The following CCSER1 variants were observed in gnomAD, a reference collection of about 807,000 sequenced individuals.
CCSER1 encodes serine-rich coiled-coil domain-containing protein 1.
A neutral mutation model predicts 82.0 loss-of-function variants in CCSER1; 41 were observed. The ratio of observed to expected loss-of-function variants is 0.50; its 90% CI spans 0.39 to 0.65. The LOEUF is 0.65. Among genes scored for constraint, CCSER1 ranks in the 30% least tolerant of loss-of-function variants. CCSER1 has a pLI of 0.00. For synonymous variants in CCSER1, 414 were observed against 383.9 expected, an observed-to-expected ratio of 1.08 and a Z score of -0.92; for missense variants, 1,119 against 1,064.2, an observed-to-expected ratio of 1.05 and a Z score of -0.72.
chr4:90,792,117 C>T (rs1755346077), intron 7 of CCSER1, among the ~76,000 whole-genome samples: 1 of 152,146 alleles, frequency 6.6e-6, no homozygotes, highest in South Asian at 2.1e-4. Flanking sequence ...TGCAGAATCC[C>T]TGATACCAGT....
intron 7 of CCSER1, among the ~76,000 whole-genome samples, chr4:90,728,269 T>C (rs1744047636): frequency 6.6e-6 from 1 of 152,336 alleles, no homozygotes; most frequent in Admixed American, 6.5e-5. Flanking sequence ...GTTCTCTGAC[T>C]TCTTTTCCTC....
intron 4 of CCSER1, among the ~76,000 whole-genome samples, chr4:90,447,630 A>G (rs924222664): frequency 2.0e-5 from 3 of 152,214 alleles, no homozygotes; most frequent in African/African-American, 7.2e-5. Context: ...GGCAGATTAA[A>G]AACTAAAACT....
At chr4:90,807,314 T>A (rs1757651626) in intron 7 of CCSER1, among the ~76,000 whole-genome samples, 1 of 152,188 alleles carries the variant, frequency 6.6e-6, no homozygotes, top group African/African-American at 2.4e-5. Flanking sequence ...GGAGTATAAG[T>A]ATTAAAAATG....
intron 10 of CCSER1, among the ~76,000 whole-genome samples, chr4:91,508,197 A>AATT (rs1438394116): frequency 8.2e-6 from 1 of 122,128 alleles, no homozygotes; most frequent in East Asian, 2.5e-4. Context: ...TTGGAAGAAG[A>AATT]ATTTAGTCTT....
intron 5 of CCSER1, among the ~76,000 whole-genome samples, chr4:90,502,993 G>A (rs538529412): frequency 3.0e-4 from 45 of 152,184 alleles, no homozygotes; most frequent in African/African-American, 1.0e-3. Context: ...TAGAATCACC[G>A]CTAAGGTAGC....
chr4:90,423,378 A>G (rs1268261798), intron 4 of CCSER1, among the ~76,000 whole-genome samples: 1 of 151,982 alleles, frequency 6.6e-6, no homozygotes, highest in Non-Finnish European at 1.5e-5. Context: ...GGCGCGTGCC[A>G]CCATGCCCGA....
intron 6 of CCSER1, among the ~76,000 whole-genome samples, chr4:90,702,573 T>C (rs1738387514): frequency 6.6e-6 from 1 of 152,216 alleles, no homozygotes; most frequent in African/African-American, 2.4e-5. Context: ...GTACCACTGC[T>C]AGAATTCGGC....
chr4:91,426,506 T>TA (rs552289843), intron 10 of CCSER1, among the ~76,000 whole-genome samples: 5,462 of 144,258 alleles, frequency 0.038, 352 homozygotes, highest in African/African-American at 0.13. Context: ...GACCACGATT[T>TA]AAAAAAAAAA....
chr4:91,202,281 C>T (rs184221685), intron 10 of CCSER1, among the ~76,000 whole-genome samples: 2 of 151,984 alleles, frequency 1.3e-5, no homozygotes, highest in Non-Finnish European at 2.9e-5. Flanking sequence ...AGGGATTGCC[C>T]CCATTTGCAT....
In CCSER1 at chr4:91,396,364, C is replaced by G. The variant is rs145118517; in HGVS notation, c.2218-202208C>G. Among the ~76,000 whole-genome samples the G allele has an allele frequency of 2.3e-3, 347 of 152,142 alleles. 3 individuals carry two copies. Among genetic ancestry groups the G allele is most frequent in the African/African-American group, 8.0e-3 (333 of 41,536 alleles). ...AAAGTTTTAAGTCTGATGATGATAT[C>G]TCAAATGTTCAACTTCAGACTCTGG... On this transcript the variant is annotated intron_variant, in intron 10 of 10. Transcript: ENST00000509176.
rs376206600 is a variant in CCSER1 at position 91,280,526 on chromosome 4, G to T, written c.2217+194532G>T. Among the ~76,000 whole-genome samples the T allele has an allele frequency of 3.3e-5, 5 of 152,150 alleles. No homozygotes were observed. In the East Asian group the frequency reaches 9.6e-4, roughly 29 times the overall value. ...GAATAAGTACACAGGTGCTGAGAGA[G>T]GTGGATAGGACAGGGCGATCCCCAG... On this transcript the variant is annotated intron_variant, in intron 10 of 10. Coordinates refer to ENST00000509176, the MANE Select transcript of CCSER1 (RefSeq NM_001145065.2).
intron 10 of CCSER1, among the ~76,000 whole-genome samples, chr4:91,143,167 T>C (rs1263493759): frequency 6.6e-6 from 1 of 152,260 alleles, no homozygotes; most frequent in South Asian, 2.1e-4. Context: ...CAGCAGTTTT[T>C]TGTAGTTTTC....
At chr4:90,314,623 G>A (rs1735848739) in intron 3 of CCSER1, among the ~76,000 whole-genome samples, 1 of 151,946 alleles carries the variant, frequency 6.6e-6, no homozygotes, top group African/African-American at 2.4e-5. Flanking sequence ...AGAAGTGGTT[G>A]CACCTGTAGT....
At chr4:90,131,264 G>C (rs1025440255) in intron 1 of CCSER1, among the ~76,000 whole-genome samples, 1 of 152,268 alleles carries the variant, frequency 6.6e-6, no homozygotes, top group Non-Finnish European at 1.5e-5. Flanking sequence ...GCCTCCCGAA[G>C]TGCTGGGGTA....
intron 1 of CCSER1, among the ~76,000 whole-genome samples, chr4:90,243,845 C>CT (rs776018894): frequency 1.4e-3 from 198 of 144,368 alleles, no homozygotes; most frequent in Middle Eastern, 3.6e-3. Context: ...AAGTGGGAAC[C>CT]TTTTTTTTTT....
At chr4:90,657,801 A>C (rs751371391) in intron 6 of CCSER1, among the ~76,000 whole-genome samples, 1 of 152,152 alleles carries the variant, frequency 6.6e-6, no homozygotes, top group Non-Finnish European at 1.5e-5. Flanking sequence ...TGTTAAGACT[A>C]TGTTATAACT....
At chr4:91,059,466 T>TATATATAC (rs1743773675) in intron 9 of CCSER1, among the ~76,000 whole-genome samples, 1 of 149,674 alleles carries the variant, frequency 6.7e-6, no homozygotes, top group Non-Finnish European at 1.5e-5. Context: ...TATATATATA[T>TATATATAC]ATATATATAA....
At chr4:90,228,174 A>C (rs1277750713) in intron 1 of CCSER1, among the ~76,000 whole-genome samples, 24 of 101,078 alleles carry the variant, frequency 2.4e-4, no homozygotes, top group Non-Finnish European at 4.0e-4. Flanking sequence ...GGGGCAGGGC[A>C]CACACAAACA....
At chr4:90,693,778 A>G (rs1360810248) in intron 6 of CCSER1, among the ~76,000 whole-genome samples, 1 of 151,932 alleles carries the variant, frequency 6.6e-6, no homozygotes, top group Non-Finnish European at 1.5e-5. Flanking sequence ...TTTTTGTTAT[A>G]TCTGAAGTTA....
Sources: allele counts gnomAD v4.1 joint callset (sites outside exome capture counted in the v4.1 genomes callset), GRCh38; gene constraint gnomAD v4.1.1; transcripts MANE v1.5; gene names NCBI Gene and HGNC (gene_info 2026-07-23, HGNC 2026-07-21).